Variants in ZMIZ1 observed in about 807,000 individuals in gnomAD.
ZMIZ1 encodes the protein zinc finger MIZ domain-containing protein 1.
ZMIZ1 carries 17 observed loss-of-function variants against 113.9 expected under a neutral mutation model. The ratio of observed to expected loss-of-function variants is 0.15; its 90% CI spans 0.10 to 0.22. ZMIZ1 has a LOEUF of 0.22. ZMIZ1 is among the 10% of genes least tolerant of loss of function. The pLI is 1.00. For missense variants in ZMIZ1, 1,059 were observed against 1,477.8 expected (o/e 0.72, Z 4.65); for synonymous variants, 607 against 603.1 (o/e 1.01, Z -0.09).
intron 8 of ZMIZ1, among the ~76,000 whole-genome samples, chr10:79,285,787 A>G (rs1001415389): frequency 1.3e-5 from 2 of 152,230 alleles, no homozygotes; most frequent in Admixed American, 6.5e-5. Flanking sequence ...CACTCTTGCC[A>G]GGAATGCGAA....
chr10:79,294,945 G>GA (rs988022494), intron 12 of ZMIZ1: 1 of 146,304 alleles, frequency 6.8e-6, no homozygotes, highest in African/African-American at 2.5e-5. Context: ...GAGAGAGAGG[G>GA]GGGGGGGTCA....
chr10:79,276,730 C>G (rs1055302708), intron 7 of ZMIZ1, among the ~76,000 whole-genome samples: 1 of 152,146 alleles, frequency 6.6e-6, no homozygotes, highest in Non-Finnish European at 1.5e-5. Context: ...TGGGGAGAAG[C>G]CACGCTTTGC....
chr10:79,193,007 G>T (rs1002859563), intron 4 of ZMIZ1, among the ~76,000 whole-genome samples: 1 of 152,106 alleles, frequency 6.6e-6, no homozygotes, highest in Non-Finnish European at 1.5e-5. Flanking sequence ...CTCTCCTACT[G>T]TCCTTGCTTC....
intron 10 of ZMIZ1, among the ~76,000 whole-genome samples, chr10:79,291,794 A>G (rs897956013): frequency 6.6e-6 from 1 of 152,212 alleles, no homozygotes; most frequent in Non-Finnish European, 1.5e-5. Context: ...TGGCACAGCT[A>G]TATGACCTGG....
intron 11 of ZMIZ1, chr10:79,292,744 G>A: frequency 6.4e-6 from 3 of 470,988 alleles, no homozygotes; most frequent in Non-Finnish European, 1.3e-5. Context: ...TCTGAGACCA[G>A]TGCCCTCCTA....
In ZMIZ1 at chr10:79,142,283, A is replaced by C. The variant is rs147315952; in HGVS notation, c.-131+2506A>C. ...GGCAGAGAGAGGTCCCAGACTAGAG[A>C]TATAAATTTGGGAGTTGTCGTGGAT... On this transcript the variant is annotated intron_variant, in intron 3 of 24. Transcript: ENST00000334512. Among the ~76,000 whole-genome samples the C allele has an allele frequency of 9.3e-3, 1,414 of 152,244 alleles. 12 individuals are homozygous for C. The highest frequency in any genetic ancestry group is 0.013 in the Admixed American group (200 of 15,296).
intron 4 of ZMIZ1, among the ~76,000 whole-genome samples, chr10:79,166,002 G>GTGTGTGTGTGTGT (rs56386650): frequency 2.8e-3 from 37 of 13,424 alleles, no homozygotes; most frequent in East Asian, 6.2e-3. Flanking sequence ...GTGTGTGTGT[G>GTGTGTGTGTGTGT]GGCTCTCCCT....
intron 2 of ZMIZ1, among the ~76,000 whole-genome samples, chr10:79,139,334 C>A (rs1055330588): frequency 6.6e-6 from 1 of 152,182 alleles, no homozygotes; most frequent in East Asian, 1.9e-4. Context: ...AAAATACCCC[C>A]GACAGCTTCT....
intron 4 of ZMIZ1, among the ~76,000 whole-genome samples, chr10:79,193,675 A>T (rs1205521921): frequency 6.6e-6 from 1 of 152,178 alleles, no homozygotes; most frequent in Non-Finnish European, 1.5e-5. Flanking sequence ...GGGGTGTGTG[A>T]CAGCGACATG....
In ZMIZ1 at chr10:79,315,142, T is replaced by A. The variant is rs961647587; in HGVS notation, c.*2393T>A. ...GGCTCAGCACCTGAGGCGGGTTTCCTGGGTCCCCTCTCCAGCAAGCCTCCA... is the reference window on the plus strand; with the variant it reads ...GGCTCAGCACCTGAGGCGGGTTTCCAGGGTCCCCTCTCCAGCAAGCCTCCA... On this transcript the variant is annotated 3_prime_UTR_variant, in exon 25 of 25. Coordinates refer to ENST00000334512, the MANE Select transcript of ZMIZ1 (RefSeq NM_020338.4). 1.3e-5 allele frequency: 2 copies of A among 152,852 alleles called. No individual in the cohort carries two copies. Among genetic ancestry groups the A allele is most frequent in the African/African-American group, 4.8e-5 (2 of 41,456 alleles). The allele number at this position is 152,852 out of a possible 1,614,324, so 9.5% of individuals were successfully genotyped here. A position where few individuals can be genotyped will look rare whatever the true frequency, so the allele number is the denominator to read the frequency against.
intron 4 of ZMIZ1, among the ~76,000 whole-genome samples, chr10:79,198,940 A>G (rs1253483860): frequency 2.0e-5 from 3 of 151,958 alleles, no homozygotes; most frequent in Non-Finnish European, 2.9e-5. Flanking sequence ...AAGCTAAGGC[A>G]GGAGAATCAC....
rs1369095409 is a variant in ZMIZ1 at position 79,305,963 on chromosome 10, CG to C, written c.2424-136del. ...TATAGAGAAATCCCTGCCAGGCTTC[CG>C]CCTCGTCCACAGTGTGGTGAGAGTG... is the stretch of plus-strand genomic sequence containing the variant. On this transcript the variant is annotated intron_variant, in intron 21 of 24. Transcript: ENST00000334512. 3 of 1,356,822 alleles carry C rather than the reference CG, an allele frequency of 2.2e-6. No homozygotes were observed. The African/African-American group carries it at 4.4e-5, about 20-fold the overall frequency. The allele number at this position is 1,356,822 out of a possible 1,614,324, so 84.0% of individuals were successfully genotyped here.
intron 7 of ZMIZ1, among the ~76,000 whole-genome samples, chr10:79,217,803 G>A (rs78551277): frequency 0.023 from 3,542 of 152,278 alleles, 137 homozygotes; most frequent in African/African-American, 0.081. Flanking sequence ...GGACATGCCC[G>A]CCTGCATTGG....
At chr10:79,277,893 C>T (rs1342115640) in intron 8 of ZMIZ1, among the ~76,000 whole-genome samples, 1 of 152,240 alleles carries the variant, frequency 6.6e-6, no homozygotes, top group Non-Finnish European at 1.5e-5. Context: ...TCTTTTGAGT[C>T]CCTTGCTGAG....
At chr10:79,217,537 T>C (rs961329948) in intron 7 of ZMIZ1, among the ~76,000 whole-genome samples, 2 of 152,250 alleles carry the variant, frequency 1.3e-5, no homozygotes, top group Non-Finnish European at 2.9e-5. Context: ...GAAACAGTTA[T>C]TTCCCTTGTA....
At chr10:79,072,731 G>T (rs1309754576) in intron 1 of ZMIZ1, among the ~76,000 whole-genome samples, 3 of 152,176 alleles carry the variant, frequency 2.0e-5, no homozygotes, top group Non-Finnish European at 4.4e-5. Flanking sequence ...TTGCTCCCCA[G>T]GGCCCTGGCC....
At chr10:79,227,433 AG>A (rs1849237841) in intron 7 of ZMIZ1, among the ~76,000 whole-genome samples, 1 of 152,194 alleles carries the variant, frequency 6.6e-6, no homozygotes, top group Non-Finnish European at 1.5e-5. Context: ...TGGATTCTGG[AG>A]TAGCCTGTCT....
intron 23 of ZMIZ1, among the ~76,000 whole-genome samples, chr10:79,308,231 A>G (rs1463730702): frequency 6.6e-6 from 1 of 152,200 alleles, no homozygotes; most frequent in Admixed American, 6.5e-5. Context: ...CACTCATTTT[A>G]ACAAGCGTTT....
chr10:79,312,884 C>A lies in ZMIZ1; in HGVS notation c.*135C>A. Reference sequence around the variant, plus strand: ...CGGGCTGTGGGGCGGGGAGCCCTCCCCCGCTGCAGCCCTCTCAGAACAGAG... The same window carrying A: ...CGGGCTGTGGGGCGGGGAGCCCTCCACCGCTGCAGCCCTCTCAGAACAGAG... On this transcript the variant is annotated 3_prime_UTR_variant, in exon 25 of 25. Coordinates refer to ENST00000334512, the MANE Select transcript of ZMIZ1 (RefSeq NM_020338.4). 1 of 728,962 alleles carries A rather than the reference C, an allele frequency of 1.4e-6. No homozygotes were observed. Among genetic ancestry groups the A allele is most frequent in the East Asian group, 2.6e-5 (1 of 38,146 alleles). 45.2% of individuals were successfully genotyped at this position (728,962 alleles called of 1,614,324 possible).
Sources: allele counts gnomAD v4.1 joint callset (sites outside exome capture counted in the v4.1 genomes callset), GRCh38; gene constraint gnomAD v4.1.1; transcripts MANE v1.5; gene names NCBI Gene and HGNC (gene_info 2026-07-23, HGNC 2026-07-21).